PPFIBP2: variants seen among roughly 807,000 people sequenced by gnomAD.
PPFIBP2 encodes liprin-beta-2.
A neutral mutation model predicts 118.3 loss-of-function variants in PPFIBP2; 118 were observed. The ratio of observed to expected loss-of-function variants is 1.00; its 90% CI spans 0.86 to 1.16. The LOEUF (loss-of-function observed/expected upper bound fraction) is 1.16. Ranked by LOEUF, PPFIBP2 falls within the 50% of genes most tolerant of loss-of-function variation. The pLI, the probability that PPFIBP2 is intolerant of heterozygous loss-of-function variation, is 0.00. For missense variants in PPFIBP2, 1,195 were observed against 1,073.1 expected (o/e 1.11, Z -1.59); for synonymous variants, 414 against 397.4 (o/e 1.04, Z -0.50).
At chr11:7,606,012 T>G in intron 5 of PPFIBP2, 1 of 1,534,322 alleles carries the variant, frequency 6.5e-7, no homozygotes, top group African/African-American at 1.4e-5. Context: ...GGAGTGCGCC[T>G]AAAGTAGGTA....
At chr11:7,632,797 CA>C (rs1850945351) in intron 11 of PPFIBP2, 69 bp from the exon 12 acceptor site, 4 of 1,230,510 alleles carry the variant, frequency 3.3e-6, no homozygotes, top group Non-Finnish European at 4.8e-6. Context: ...TCATGTGAAG[CA>C]GGGGGAAAGA....
rs1564967032 is a variant in PPFIBP2 at position 7,554,800 on chromosome 11, A to ACTGGACTGGACTGGACTGGACTG, written c.64+5261_64+5262insCTGGACTGGACTGGACTGGACTG. ...GAATCCCAGGTGACTAGACTAGACT[A>ACTGGACTGGACTGGACTGGACTG]GACTAGACTAGACTAGATTGGGTCT... On this transcript the variant is annotated intron_variant, in intron 2 of 23. Transcript: ENST00000299492. 1.7e-3 allele frequency among the ~76,000 whole-genome samples: 247 copies of ACTGGACTGGACTGGACTGGACTG among 145,098 alleles called. 1 individual carries two copies. Among genetic ancestry groups the ACTGGACTGGACTGGACTGGACTG allele is most frequent in the African/African-American group, 6.1e-3 (235 of 38,248 alleles).
At chr11:7,539,027 G>T (rs1426203329) in intron 1 of PPFIBP2, among the ~76,000 whole-genome samples, 3 of 152,154 alleles carry the variant, frequency 2.0e-5, no homozygotes, top group Non-Finnish European at 4.4e-5. Flanking sequence ...ATTAGATGGG[G>T]ACCAGTTAAG....
Position 7,651,710 on chromosome 11 carries a change from C to T in PPFIBP2, c.2302C>T (p.Pro768Ser). 1 of 1,613,884 alleles carries T rather than the reference C, an allele frequency of 6.2e-7. No homozygotes were observed. The highest frequency in any genetic ancestry group is 8.5e-7 in the Non-Finnish European group (1 of 1,179,748). ...DTLAMLLNIP[P>S]QKTLLRRHLT... ...CCTGGCTATGCTTCTCAACATCCCC[C>T]CACAAAAGACGCTCCTCAGGCGCCA... The change falls in exon 23 of 24, where the codon CCA becomes TCA. Residue 768 changes from proline to serine, a missense_variant. Coordinates refer to ENST00000299492, the MANE Select transcript of PPFIBP2 (RefSeq NM_003621.5).
At chr11:7,577,332 T>TGTGTGC (rs1554958813) in intron 3 of PPFIBP2, 13 of 243,650 alleles carry the variant, frequency 5.3e-5, no homozygotes, top group African/African-American at 2.4e-4. Flanking sequence ...TGTGTGTGTG[T>TGTGTGC]GTGTGTGTGT....
intron 1 of PPFIBP2, among the ~76,000 whole-genome samples, chr11:7,524,789 A>C (rs996346778): frequency 2.0e-5 from 3 of 152,082 alleles, no homozygotes; most frequent in Admixed American, 6.5e-5. Context: ...GAGGGGGTGG[A>C]GATCGATTTG....
chr11:7,604,595 C>T (rs1309394421), intron 5 of PPFIBP2, among the ~76,000 whole-genome samples: 1 of 152,020 alleles, frequency 6.6e-6, no homozygotes, highest in Non-Finnish European at 1.5e-5. Flanking sequence ...CATCCACACA[C>T]ACACACCCCC....
chr11:7,665,785 G>C, the PPFIBP2 span: 1 of 1,459,050 alleles, frequency 6.9e-7, no homozygotes, highest in African/African-American at 1.4e-5. Context: ...CTGTCTGTCA[G>C]CTGTCAGCAT....
chr11:7,634,451 T>A, intron 12 of PPFIBP2, 44 bp from the exon 13 acceptor site: 1 of 1,444,878 alleles, frequency 6.9e-7, no homozygotes. Flanking sequence ...TGATAACATG[T>A]ACCTCCTTCT....
chr11:7,545,338 A>G (rs974072406), intron 1 of PPFIBP2, among the ~76,000 whole-genome samples: 12 of 152,130 alleles, frequency 7.9e-5, no homozygotes, highest in Non-Finnish European at 2.9e-5. Flanking sequence ...GATGAGGCAC[A>G]AGAATCGCTT....
At chr11:7,578,395 T>C (rs1856770374) in intron 3 of PPFIBP2, among the ~76,000 whole-genome samples, 1 of 152,182 alleles carries the variant, frequency 6.6e-6, no homozygotes, top group Non-Finnish European at 1.5e-5. Flanking sequence ...GGTTAGAGAT[T>C]TGACATTGTA....
rs1294175455 is a variant in PPFIBP2 at position 7,642,394 on chromosome 11, C to A, written c.1614C>A (p.Leu538=). The A allele has an allele frequency of 1.2e-6, 2 of 1,613,882 alleles. No homozygotes were observed. Among genetic ancestry groups the A allele is most frequent in the African/African-American group, 2.7e-5 (2 of 74,918 alleles). The part of the protein sequence containing the change: ...GGLRATAGPR[L]SRTRDSKGQK... ...TCCGGGCAACCGCAGGGCCAAGACT[C>A]TCTAGGACCAGGGACTCCAAGGGAC... Residue 538 remains leucine (L), a synonymous_variant, in exon 17 of 24, where the codon CTC becomes CTA. Transcript: ENST00000299492.
chr11:7,593,677 G>A (rs1456089050), intron 4 of PPFIBP2, among the ~76,000 whole-genome samples: 5 of 152,202 alleles, frequency 3.3e-5, no homozygotes, highest in Non-Finnish European at 7.3e-5. Context: ...GATCTAGACT[G>A]ATCCCTTTAA....
intron 1 of PPFIBP2, among the ~76,000 whole-genome samples, chr11:7,517,987 A>G (rs1262451601): frequency 6.6e-6 from 1 of 152,214 alleles, no homozygotes; most frequent in African/African-American, 2.4e-5. Context: ...TGTCTGGACC[A>G]GTGGCTTTCA....
Position 7,596,676 on chromosome 11 carries a change from C to T in PPFIBP2, c.373-884C>T, listed in dbSNP as rs118072890. 7.2e-3 allele frequency among the ~76,000 whole-genome samples: 1,094 copies of T among 152,242 alleles called. 10 individuals are homozygous for T. The highest frequency in any genetic ancestry group is 0.037 in the Middle Eastern group (11 of 294). ...ATAATCTATATGTAAATGGCAACAACTCTAACCAAAAAGGTCTAAAGGATC... is the reference window on the plus strand; with the variant it reads ...ATAATCTATATGTAAATGGCAACAATTCTAACCAAAAAGGTCTAAAGGATC... On this transcript the variant is annotated intron_variant, in intron 4 of 23. Coordinates refer to ENST00000299492, the MANE Select transcript of PPFIBP2 (RefSeq NM_003621.5).
At chr11:7,533,807 G>A (rs1850967228) in intron 1 of PPFIBP2, among the ~76,000 whole-genome samples, 1 of 152,202 alleles carries the variant, frequency 6.6e-6, no homozygotes, top group Admixed American at 6.5e-5. Flanking sequence ...AACTCAGAGT[G>A]GTGAGGACTA....
At chr11:7,536,946 T>G (rs76550930) in intron 1 of PPFIBP2, among the ~76,000 whole-genome samples, 1 of 151,894 alleles carries the variant, frequency 6.6e-6, no homozygotes, top group Non-Finnish European at 1.5e-5. Context: ...AGGGAGGGAA[T>G]AGGTGGGGAC....
intron 15 of PPFIBP2, among the ~76,000 whole-genome samples, chr11:7,640,713 G>C (rs1041153965): frequency 3.9e-5 from 6 of 152,156 alleles, no homozygotes; most frequent in Non-Finnish European, 8.8e-5. Context: ...GTGAGCCCAG[G>C]CACCTGCACA....
chr11:7,520,197 A>C (rs1441765297), intron 1 of PPFIBP2, among the ~76,000 whole-genome samples: 3 of 152,346 alleles, frequency 2.0e-5, no homozygotes, highest in African/African-American at 7.2e-5. Flanking sequence ...CATCAGCACC[A>C]AATGAGGACA....
Sources: allele counts gnomAD v4.1 joint callset (sites outside exome capture counted in the v4.1 genomes callset), GRCh38; gene constraint gnomAD v4.1.1; transcripts MANE v1.5; gene names NCBI Gene and HGNC (gene_info 2026-07-23, HGNC 2026-07-21).